The following ANKS6 variants were observed in gnomAD, a reference collection of about 807,000 sequenced individuals.
The protein encoded by ANKS6 is ankyrin repeat and sterile alpha motif domain containing 6.
In ANKS6, 47 loss-of-function variants were observed where a neutral mutation model predicts 77.9. That is an observed-to-expected ratio of 0.60 (90% CI 0.48 to 0.77). The LOEUF is 0.77. Ranked by LOEUF, ANKS6 falls within the 30% of genes least tolerant of loss-of-function variation. The pLI is 0.00. For missense variants in ANKS6, 1,150 were observed against 1,159.1 expected (o/e 0.99, Z 0.11); for synonymous variants, 488 against 501.7 (o/e 0.97, Z 0.37).
chr9:98,735,761 T>C lies in ANKS6; in HGVS notation c.*758A>G, dbSNP rs1831463562. On this transcript the variant is annotated 3_prime_UTR_variant, in exon 15 of 15. Transcript: ENST00000353234. ...CAGCAGGCCTCCACTTCTTTCCTTC[T>C]ATAATAGACTCTCTTTGCAATAAAG... The C allele has an allele frequency of 5.7e-6, 7 of 1,231,750 alleles. No homozygotes were observed. The African/African-American group carries it at 6.2e-5, about 11-fold the overall frequency. 76.3% of individuals were successfully genotyped at this position (1,231,750 alleles called of 1,614,324 possible).
intron 11 of ANKS6, among the ~76,000 whole-genome samples, chr9:98,757,526 G>A (rs752320511): frequency 2.0e-5 from 3 of 152,204 alleles, no homozygotes; most frequent in Admixed American, 1.3e-4. Context: ...TCAGTGCATC[G>A]TTATGCAGAG....
In ANKS6 at chr9:98,756,433, G is replaced by T. The variant is rs751153082; in HGVS notation, c.2313C>A (p.Thr771=). 8 of 1,613,082 alleles carry T rather than the reference G, an allele frequency of 5.0e-6. No individual in the cohort carries two copies. The highest frequency in any genetic ancestry group is 6.8e-6 in the Non-Finnish European group (8 of 1,179,528). The change falls in exon 12 of 15, where the codon ACC becomes ACA. Residue 771 remains threonine (T), a synonymous_variant. Coordinates refer to ENST00000353234, the MANE Select transcript of ANKS6 (RefSeq NM_173551.5). ...CAGGGGACTCACCCTCATCTGTGAT[G>T]GTGCCACTGCTGGAGCCCCCACTGC... ...SKSSGGSSSG[T]ITDEDELTGI... is the part of the protein sequence containing the mutation.
chr9:98,749,674 G>A (rs1164492334), intron 13 of ANKS6, among the ~76,000 whole-genome samples: 3 of 152,200 alleles, frequency 2.0e-5, no homozygotes, highest in Non-Finnish European at 2.9e-5. Context: ...AGCAGGCAGC[G>A]ATCAGCAATA....
intron 13 of ANKS6, among the ~76,000 whole-genome samples, chr9:98,746,718 C>T (rs77053509): frequency 0.04 from 6,058 of 152,188 alleles, 375 homozygotes; most frequent in East Asian, 0.26. Context: ...GCAGATTCCC[C>T]GGCCTCCCTC....
At chr9:98,783,791 G>C in intron 4 of ANKS6, 162 bp downstream of exon 4, 1 of 545,124 alleles carries the variant, frequency 1.8e-6, no homozygotes, top group Non-Finnish European at 2.7e-6. Flanking sequence ...GGACTAAAAT[G>C]AGCCTGTGCC....
intron 1 of ANKS6, among the ~76,000 whole-genome samples, chr9:98,793,531 T>C (rs1287636043): frequency 6.6e-6 from 1 of 152,160 alleles, no homozygotes; most frequent in Non-Finnish European, 1.5e-5. Context: ...TGTTTTGTTC[T>C]GGTTTTTTGA....
rs1479283445 is a variant in ANKS6, at chr9:98,732,398, A to G, written c.*4121T>C. Reference sequence around the variant, plus strand: ...TTCTTTCTGTCTGCCATGCCAGGAAATCCAGTGACAGCAAGACCCAGAGTC... The same window carrying G: ...TTCTTTCTGTCTGCCATGCCAGGAAGTCCAGTGACAGCAAGACCCAGAGTC... On this transcript the variant is annotated 3_prime_UTR_variant, in exon 15 of 15. Transcript: ENST00000353234. 3 of 1,271,488 alleles carry G rather than the reference A, an allele frequency of 2.4e-6. No homozygotes were observed. The Admixed American group carries it at 7.0e-5, about 30-fold the overall frequency. The allele number at this position is 1,271,488 out of a possible 1,614,324, so 78.8% of individuals were successfully genotyped here.
intron 13 of ANKS6, chr9:98,746,012 G>A: frequency 3.2e-6 from 1 of 312,634 alleles, no homozygotes; most frequent in South Asian, 4.0e-5. Flanking sequence ...CAATGTTGCT[G>A]TACTTTTAAC....
At position 98,733,612 on chromosome 9, in the gene ANKS6, G is replaced by C; in HGVS notation, c.*2907C>G. 1 of 985,474 alleles carries C rather than the reference G, an allele frequency of 1.0e-6. No homozygotes were observed. The highest frequency in any genetic ancestry group is 4.7e-5 in the South Asian group (1 of 21,288). The allele number at this position is 985,474 out of a possible 1,614,324, so 61.0% of individuals were successfully genotyped here. A position where few individuals can be genotyped will look rare whatever the true frequency, so the allele number is the denominator to read the frequency against. On this transcript the variant is annotated 3_prime_UTR_variant, in exon 15 of 15. Coordinates refer to ENST00000353234, the MANE Select transcript of ANKS6 (RefSeq NM_173551.5). ...CAGAAAAAGCGGGGCTTCTCCAATG[G>C]TGTCCAAGGAATTCCAGTCTTGCAA...
chr9:98,790,411 G>C lies in ANKS6; in HGVS notation c.555C>G (p.Ser185Arg). 1 of 1,613,800 alleles carries C rather than the reference G, an allele frequency of 6.2e-7. No individual in the cohort carries two copies. The highest frequency in any genetic ancestry group is 8.5e-7 in the Non-Finnish European group (1 of 1,180,006). ...PSGEQLGLGG[S>R]RDEPLDITAL... ...CTGTGATGTCCAAGGGCTCATCCCT[G>C]CTGCCGCCCAACCCCAGTTGCTCGC... Residue 185 changes from serine to arginine, a missense_variant, in exon 2 of 15, where the codon AGC (serine) becomes AGG (arginine). Ser to Arg is a moderately radical substitution (Grantham distance 110, BLOSUM62 -1). Transcript: ENST00000353234.
intron 3 of ANKS6, chr9:98,784,590 A>G: frequency 2.0e-6 from 1 of 491,078 alleles, no homozygotes; most frequent in Non-Finnish European, 3.6e-6. Flanking sequence ...AGATGCAGGA[A>G]GAGCTAGGGC....
chr9:98,784,216 T>C, intron 3 of ANKS6, 59 bp from the exon 4 acceptor site: 1 of 1,430,882 alleles, frequency 7.0e-7, no homozygotes, highest in Non-Finnish European at 9.4e-7. Flanking sequence ...GGCTGATTTC[T>C]CCTGTGGTTC....
intron 8 of ANKS6, among the ~76,000 whole-genome samples, chr9:98,775,409 A>T (rs1173597940): frequency 6.6e-6 from 1 of 152,254 alleles, no homozygotes; most frequent in Non-Finnish European, 1.5e-5. Context: ...ACGTTCCTAC[A>T]CTAGAATGTT....
intron 13 of ANKS6, among the ~76,000 whole-genome samples, chr9:98,746,921 C>A (rs1018129168): frequency 1.3e-5 from 2 of 152,220 alleles, no homozygotes; most frequent in Non-Finnish European, 2.9e-5. Flanking sequence ...GCTGCCCACA[C>A]CCACGTCTTC....
chr9:98,775,226 A>T (rs945547518), intron 8 of ANKS6, among the ~76,000 whole-genome samples: 1 of 152,256 alleles, frequency 6.6e-6, no homozygotes, highest in Admixed American at 6.5e-5. Flanking sequence ...TCTTTCTGGA[A>T]GCCAATGACA....
chr9:98,790,015 G>A (rs977892711), intron 2 of ANKS6, 89 bp downstream of exon 2: 31 of 1,477,400 alleles, frequency 2.1e-5, no homozygotes, highest in Non-Finnish European at 2.6e-5. Flanking sequence ...TGAGTTCTGC[G>A]TGTCCTTCCA....
In ANKS6 at chr9:98,778,307, CCAGAGCTGGCT is replaced by C; in HGVS notation, c.1475_1485del (p.Glu492GlyfsTer19). On this transcript the variant is annotated frameshift_variant, in exon 7 of 15. Transcript: ENST00000353234. LOFTEE classifies it high-confidence loss of function. ...TGGGGGGCAGCCCTCATTGTGGAGTCCAGAGCTGGCTCAGGCTCGTCAGAGAAAGGCAAAGG... is the reference window on the plus strand; with the variant it reads ...TGGGGGGCAGCCCTCATTGTGGAGTCCAGGCTCGTCAGAGAAAGGCAAAGG... 6.2e-7 allele frequency: 1 copy of C among 1,614,148 alleles called. No homozygotes were observed. Among genetic ancestry groups the C allele is most frequent in the Non-Finnish European group, 8.5e-7 (1 of 1,180,026 alleles).
In ANKS6 at chr9:98,733,373, A is replaced by G. The variant is rs1335534269; in HGVS notation, c.*3146T>C. 2.0e-6 allele frequency: 2 copies of G among 985,316 alleles called. No homozygotes were observed. The highest frequency in any genetic ancestry group is 1.7e-5 in the African/African-American group (1 of 57,220). 61.0% of individuals were successfully genotyped at this position (985,316 alleles called of 1,614,324 possible). A position where few individuals can be genotyped will look rare whatever the true frequency, so the allele number is the denominator to read the frequency against. On this transcript the variant is annotated 3_prime_UTR_variant, in exon 15 of 15. Coordinates refer to ENST00000353234, the MANE Select transcript of ANKS6 (RefSeq NM_173551.5). ...TGGGTGCTGGGAAACAATGCCCTCC[A>G]CCCTGCAGGAGAGCTCAGGGTGGAG... is the stretch of plus-strand genomic sequence containing the variant.
intron 10 of ANKS6, among the ~76,000 whole-genome samples, chr9:98,768,950 A>C (rs1833467536): frequency 6.6e-6 from 1 of 152,040 alleles, no homozygotes; most frequent in Non-Finnish European, 1.5e-5. Context: ...ACATGGTGAA[A>C]CCCTGTCTCT....
Sources: gnomAD v4.1 joint callset for allele counts (sites outside exome capture counted in the v4.1 genomes callset) on GRCh38, gnomAD v4.1.1 for gene constraint, MANE v1.5 for transcripts, NCBI Gene and HGNC (gene_info 2026-07-23, HGNC 2026-07-21) for gene names.